Variants in CSMD2 observed in about 807,000 individuals in gnomAD.
CSMD2 encodes CUB and sushi domain-containing protein 2.
A neutral mutation model predicts 398.5 loss-of-function variants in CSMD2; 130 were observed. The observed-to-expected ratio is 0.33, with a 90% CI of 0.28 to 0.38. The LOEUF (loss-of-function observed/expected upper bound fraction) is 0.38, where lower values mean the gene tolerates loss of function less well. Ranked by LOEUF, CSMD2 falls within the 10% of genes least tolerant of loss-of-function variation. The pLI, the probability that CSMD2 is intolerant of heterozygous loss-of-function variation, is 1.00. For synonymous variants in CSMD2, 1,828 were observed against 1,908.5 expected, an observed-to-expected ratio of 0.96 and a Z score of 1.10; for missense variants, 3,829 against 4,764.9, an observed-to-expected ratio of 0.80 and a Z score of 5.78.
chr1:33,899,642 G>A (rs1642620762), intron 5 of CSMD2, among the ~76,000 whole-genome samples: 1 of 152,180 alleles, frequency 6.6e-6, no homozygotes. Flanking sequence ...GGGAATCTGT[G>A]GGGTTGGATT....
intron 25 of CSMD2, among the ~76,000 whole-genome samples, chr1:33,688,040 T>G (rs1645113145): frequency 6.6e-6 from 1 of 152,166 alleles, no homozygotes; most frequent in Admixed American, 6.5e-5. Context: ...TGCTATAATA[T>G]CTAGAAGAAA....
chr1:34,011,032 T>G (rs548402341), intron 3 of CSMD2, among the ~76,000 whole-genome samples: 3 of 152,138 alleles, frequency 2.0e-5, no homozygotes, highest in Non-Finnish European at 2.9e-5. Flanking sequence ...CCATTCACCT[T>G]AAGTCTGGCT....
chr1:33,788,751 A>G, intron 11 of CSMD2, 39 bp from the exon 12 acceptor site: 2 of 1,229,326 alleles, frequency 1.6e-6, no homozygotes, highest in Non-Finnish European at 2.4e-6. Flanking sequence ...GCTCTCCACC[A>G]TGACACCCGA....
chr1:34,125,961 T>C (rs1662699650), intron 1 of CSMD2, among the ~76,000 whole-genome samples: 1 of 152,152 alleles, frequency 6.6e-6, no homozygotes, highest in Non-Finnish European at 1.5e-5. Context: ...GACATCCTAG[T>C]GATATTCAGA....
intron 1 of CSMD2, among the ~76,000 whole-genome samples, chr1:34,122,442 G>A (rs1245324728): frequency 6.6e-6 from 1 of 152,070 alleles, no homozygotes. Flanking sequence ...CAGAACCTCT[G>A]TCTTTTCTTA....
chr1:33,958,460 G>A (rs1645241645), intron 3 of CSMD2, among the ~76,000 whole-genome samples: 1 of 152,144 alleles, frequency 6.6e-6, no homozygotes, highest in Admixed American at 6.5e-5. Context: ...CCATGACTAG[G>A]TAAAGTTATA....
chr1:34,077,907 G>C (rs891754182), intron 2 of CSMD2, among the ~76,000 whole-genome samples: 5 of 152,114 alleles, frequency 3.3e-5, no homozygotes, highest in African/African-American at 4.8e-5. Flanking sequence ...TCCATGTAAA[G>C]AACCAGCACA....
At chr1:33,967,971 G>C (rs1430807210) in intron 3 of CSMD2, among the ~76,000 whole-genome samples, 1 of 152,156 alleles carries the variant, frequency 6.6e-6, no homozygotes, top group Non-Finnish European at 1.5e-5. Context: ...CATCACTGCA[G>C]GAGTATTCTT....
In CSMD2 at chr1:33,700,753, C is replaced by A. The variant is rs1645586213; in HGVS notation, c.3577-80G>T. On this transcript the variant is annotated intron_variant, in intron 22 of 70. Transcript: ENST00000373381. ...CAACACCTCCTTACCCCACAACCCA[C>A]ACTCCTGGAGTTTAGCACTGGTAAC... The A allele has an allele frequency of 2.8e-6, 4 of 1,439,702 alleles. No homozygotes were observed. The South Asian group carries it at 4.9e-5, about 18-fold the overall frequency. The allele number at this position is 1,439,702 out of a possible 1,614,324, so 89.2% of individuals were successfully genotyped here. A position where few individuals can be genotyped will look rare whatever the true frequency, so the allele number is the denominator to read the frequency against.
At position 33,664,394 on chromosome 1, in the gene CSMD2, C is replaced by T. The variant is rs547940881; in HGVS notation, c.4053-1302G>A. Among the ~76,000 whole-genome samples the T allele has an allele frequency of 4.5e-4, 68 of 152,262 alleles. No individual in the cohort carries two copies. The South Asian group carries it at 5.0e-3, about 11-fold the overall frequency. On this transcript the variant is annotated intron_variant, in intron 25 of 70. Transcript: ENST00000373381. ...TGCAGAAATGGACATTGTTATATAA[C>T]ACAATTTCACATGAAATTGCAAGGA...
intron 14 of CSMD2, among the ~76,000 whole-genome samples, chr1:33,742,634 T>C (rs1476494577): frequency 8.5e-6 from 1 of 118,236 alleles, no homozygotes; most frequent in African/African-American, 3.4e-5. Flanking sequence ...AAATAATCAC[T>C]GCTGAGTTTA....
chr1:34,041,820 C>G (rs1343098255), intron 2 of CSMD2, among the ~76,000 whole-genome samples: 1 of 152,214 alleles, frequency 6.6e-6, no homozygotes, highest in African/African-American at 2.4e-5. Context: ...GACCACAGGA[C>G]AGAGGCTCCA....
chr1:33,573,281 A>G (rs1357514828), intron 49 of CSMD2, among the ~76,000 whole-genome samples: 1 of 152,220 alleles, frequency 6.6e-6, no homozygotes, highest in African/African-American at 2.4e-5. Context: ...GGAAAAATCA[A>G]CCTGGCCCTT....
chr1:34,042,529 C>G (rs1407596555), intron 2 of CSMD2, among the ~76,000 whole-genome samples: 1 of 152,188 alleles, frequency 6.6e-6, no homozygotes, highest in East Asian at 1.9e-4. Context: ...ATGTGATAAA[C>G]CCCCACTTTT....
At chr1:33,736,682 G>C (rs1304901966) in intron 15 of CSMD2, among the ~76,000 whole-genome samples, 1 of 152,106 alleles carries the variant, frequency 6.6e-6, no homozygotes, top group Non-Finnish European at 1.5e-5. Context: ...AACTAATTTG[G>C]GACTAAGCCC....
intron 44 of CSMD2, among the ~76,000 whole-genome samples, chr1:33,597,789 G>A (rs1327140912): frequency 1.3e-5 from 2 of 152,106 alleles, no homozygotes; most frequent in African/African-American, 2.4e-5. Flanking sequence ...TCACAATAAG[G>A]AATAAGCAAC....
intron 38 of CSMD2, 56 bp downstream of exon 38, chr1:33,617,443 G>T: frequency 1.4e-6 from 2 of 1,380,926 alleles, no homozygotes; most frequent in Non-Finnish European, 2.1e-6. Context: ...TGTAAGGCTG[G>T]CCAACCACAT....
rs116149515 is a variant in CSMD2 at position 34,140,305 on chromosome 1, C to A, written c.187+24606G>T. ...GAATCGGCATATGCAAAAAAACAAA[C>A]AAACAAACAAACAAAAAAAAACCCA... On this transcript the variant is annotated intron_variant, in intron 1 of 70. Coordinates refer to ENST00000373381, the MANE Select transcript of CSMD2 (RefSeq NM_001281956.2). Among the ~76,000 whole-genome samples, 210 of 44,588 alleles carry A rather than the reference C, an allele frequency of 4.7e-3. 2 individuals carry two copies. The highest frequency in any genetic ancestry group is 9.5e-3 in the Non-Finnish European group (130 of 13,660). 29.3% of individuals were successfully genotyped at this position (44,588 alleles called of 152,430 possible).
intron 3 of CSMD2, among the ~76,000 whole-genome samples, chr1:34,015,496 T>G (rs1440025237): frequency 6.6e-6 from 1 of 152,188 alleles, no homozygotes; most frequent in Non-Finnish European, 1.5e-5. Context: ...ACCATGGCAC[T>G]GGGTCTAGGC....
Sources: allele counts gnomAD v4.1 joint callset (sites outside exome capture counted in the v4.1 genomes callset), GRCh38; gene constraint gnomAD v4.1.1; transcripts MANE v1.5; gene names NCBI Gene and HGNC (gene_info 2026-07-23, HGNC 2026-07-21).